The following CAMTA1 variants were observed in gnomAD, a reference collection of about 807,000 sequenced individuals.
The protein encoded by CAMTA1 is calmodulin-binding transcription activator 1.
A neutral mutation model predicts 170.9 loss-of-function variants in CAMTA1; 27 were observed. The observed-to-expected ratio is 0.16, with a 90% CI of 0.12 to 0.22. CAMTA1 has a LOEUF of 0.22. Ranked by LOEUF, CAMTA1 falls within the 10% of genes least tolerant of loss-of-function variation. CAMTA1 has a pLI of 1.00. For missense variants in CAMTA1, 1,619 were observed against 2,217.2 expected (o/e 0.73, Z 5.42); for synonymous variants, 833 against 891.5 (o/e 0.93, Z 1.17).
Position 7,106,654 on chromosome 1 carries a change from G to T in CAMTA1, c.302+15283G>T, listed in dbSNP as rs534526705. On this transcript the variant is annotated intron_variant, in intron 4 of 22. Coordinates refer to ENST00000303635, the MANE Select transcript of CAMTA1 (RefSeq NM_015215.4). ...AGCGCTTGGGAGTATTTATAGCCCC[G>T]TGGAACCGCGTTTCTCTGCTTCACC... Among the ~76,000 whole-genome samples, 6 of 152,130 alleles carry T rather than the reference G, an allele frequency of 3.9e-5. No individual in the cohort carries two copies. The South Asian group carries it at 8.3e-4, about 21-fold the overall frequency.
rs116441041 is a variant in CAMTA1, at chr1:7,007,258, T to A, written c.235-84046T>A. ...AGGGGTCCACATTGTCACAGCAGCT[T>A]GGAGCGTGGAAGCACACATATAATC... On this transcript the variant is annotated intron_variant, in intron 3 of 22. Transcript: ENST00000303635. This position sits in a 1 kb window ranked among gnomAD's most constrained non-coding sequence, Gnocchi z 4.5. Among the ~76,000 whole-genome samples, 959 of 152,236 alleles carry A rather than the reference T, an allele frequency of 6.3e-3. 7 individuals carry two copies. The highest frequency in any genetic ancestry group is 0.022 in the African/African-American group (893 of 41,524).
intron 3 of CAMTA1, among the ~76,000 whole-genome samples, chr1:6,951,178 G>A (rs1688420945): frequency 6.6e-6 from 1 of 152,188 alleles, no homozygotes; most frequent in Non-Finnish European, 1.5e-5. Flanking sequence ...GTCCAGTGGC[G>A]AAAAGGATAA....
intron 7 of CAMTA1, among the ~76,000 whole-genome samples, chr1:7,655,945 A>G (rs565329482): frequency 1.3e-5 from 2 of 152,324 alleles, no homozygotes; most frequent in East Asian, 3.9e-4. Context: ...TTGAATTCCC[A>G]GTGCAACTGT....
At chr1:7,215,266 T>C (rs753934965) in intron 4 of CAMTA1, among the ~76,000 whole-genome samples, 6 of 152,240 alleles carry the variant, frequency 3.9e-5, no homozygotes, top group Non-Finnish European at 5.9e-5. Flanking sequence ...GTTGTTCTTC[T>C]TCTAGCTTTT....
Position 7,479,068 on chromosome 1 carries a change from T to TGCTGGGCCTCCAGCTGCACCCA in CAMTA1, c.510+11173_510+11194dup, listed in dbSNP as rs2093471155. ...ACTCTGCGTGTGGACGTCAGCAGCT[T>TGCTGGGCCTCCAGCTGCACCCA]GCTGGGCCTCCAGCTGCACCCAGCT... On this transcript the variant is annotated intron_variant, in intron 6 of 22. Coordinates refer to ENST00000303635, the MANE Select transcript of CAMTA1 (RefSeq NM_015215.4). Among the ~76,000 whole-genome samples, 3 of 152,172 alleles carry TGCTGGGCCTCCAGCTGCACCCA rather than the reference T, an allele frequency of 2.0e-5. No individual in the cohort carries two copies. The South Asian group carries it at 6.2e-4, about 32-fold the overall frequency.
intron 6 of CAMTA1, among the ~76,000 whole-genome samples, chr1:7,615,276 G>T (rs149174349): frequency 1.5e-4 from 23 of 152,314 alleles, no homozygotes; most frequent in East Asian, 7.7e-4. Flanking sequence ...GAACCTAGCC[G>T]CTGGCAAGAA....
intron 4 of CAMTA1, among the ~76,000 whole-genome samples, chr1:7,206,234 T>G (rs191208491): frequency 1.6e-3 from 237 of 152,344 alleles, no homozygotes; most frequent in African/African-American, 5.5e-3. Flanking sequence ...TAAAATTGCA[T>G]TATATTTATA....
chr1:6,941,493 C>A (rs909975805), intron 3 of CAMTA1, among the ~76,000 whole-genome samples: 1 of 152,142 alleles, frequency 6.6e-6, no homozygotes, highest in African/African-American at 2.4e-5. Flanking sequence ...TAGACACTGA[C>A]CCGAGGCACA....
At chr1:7,274,621 A>G (rs537817821) in intron 5 of CAMTA1, among the ~76,000 whole-genome samples, 1 of 152,358 alleles carries the variant, frequency 6.6e-6, no homozygotes, top group African/African-American at 2.4e-5. Flanking sequence ...AATACCCAAC[A>G]GTGGCAGAAT....
In CAMTA1 at chr1:7,592,142, G is replaced by T. The variant is rs1042585219; in HGVS notation, c.511-48258G>T. 6.6e-5 allele frequency among the ~76,000 whole-genome samples: 10 copies of T among 152,072 alleles called. No individual in the cohort carries two copies. Among genetic ancestry groups the T allele is most frequent in the Non-Finnish European group, 1.0e-4 (7 of 68,022 alleles). On this transcript the variant is annotated intron_variant, in intron 6 of 22. Transcript: ENST00000303635. The surrounding 1 kb of genome is among the most constrained non-coding windows in gnomAD (Gnocchi z 4.6). The stretch of plus-strand genomic sequence containing the variant: ...TCGAACTCCTGACCTCAGATGATCT[G>T]CCCGCCTCAACCTCCCAAAGTGCTA...
intron 5 of CAMTA1, among the ~76,000 whole-genome samples, chr1:7,271,840 C>G (rs1669859856): frequency 6.6e-6 from 1 of 152,050 alleles, no homozygotes; most frequent in South Asian, 2.1e-4. Flanking sequence ...CTATGAACAG[C>G]AGTATGCCAT....
chr1:7,504,404 G>A (rs1054812482), intron 6 of CAMTA1, among the ~76,000 whole-genome samples: 6 of 152,244 alleles, frequency 3.9e-5, no homozygotes, highest in African/African-American at 1.2e-4. Context: ...ACAGGGCTCT[G>A]CTTCCCTTTG....
At chr1:7,219,814 T>C (rs369797671) in intron 4 of CAMTA1, among the ~76,000 whole-genome samples, 2 of 152,014 alleles carry the variant, frequency 1.3e-5, no homozygotes, top group African/African-American at 4.8e-5. Flanking sequence ...GGCAGGAGGA[T>C]TGCTTGAAGT....
intron 3 of CAMTA1, among the ~76,000 whole-genome samples, chr1:6,917,305 T>G (rs1681020181): frequency 6.6e-6 from 1 of 151,976 alleles, no homozygotes; most frequent in Non-Finnish European, 1.5e-5. Context: ...ATGCAGGGCC[T>G]GGTAAGCCGT....
intron 3 of CAMTA1, among the ~76,000 whole-genome samples, chr1:6,923,883 T>C (rs573259936): frequency 6.6e-6 from 1 of 152,312 alleles, no homozygotes; most frequent in East Asian, 1.9e-4. Context: ...GGTGGATAAT[T>C]GTTTTCTATC....
At chr1:6,811,927 A>G (rs1047282688) in intron 1 of CAMTA1, among the ~76,000 whole-genome samples, 1 of 152,156 alleles carries the variant, frequency 6.6e-6, no homozygotes, top group Non-Finnish European at 1.5e-5. Context: ...GGCAGTAGCA[A>G]GTAGTGATAG....
At chr1:7,327,544 T>G (rs1352800159) in intron 5 of CAMTA1, among the ~76,000 whole-genome samples, 1 of 152,136 alleles carries the variant, frequency 6.6e-6, no homozygotes, top group Non-Finnish European at 1.5e-5. Context: ...AGGAGAAGGT[T>G]TTTTTAAGAT....
intron 1 of CAMTA1, among the ~76,000 whole-genome samples, chr1:6,810,911 G>T (rs892049315): frequency 6.6e-6 from 1 of 152,188 alleles, no homozygotes; most frequent in Non-Finnish European, 1.5e-5. Flanking sequence ...CATTATAACA[G>T]TTCTTCAGGT....
chr1:6,855,699 G>A (rs1220707083), intron 3 of CAMTA1, among the ~76,000 whole-genome samples: 1 of 152,074 alleles, frequency 6.6e-6, no homozygotes, highest in African/African-American at 2.4e-5. Context: ...TGAAAGCAGC[G>A]TTTAATGTGG....
Sources: gnomAD v4.1 joint callset for allele counts (sites outside exome capture counted in the v4.1 genomes callset) on GRCh38, gnomAD v4.1.1 for gene constraint, Gnocchi (gnomAD v3.1) non-coding constraint, MANE v1.5 for transcripts, NCBI Gene and HGNC (gene_info 2026-07-23, HGNC 2026-07-21) for gene names.